The following UBC variants were observed in gnomAD, a reference collection of about 807,000 sequenced individuals.
UBC encodes the protein polyubiquitin-C.
Under a neutral mutation model 34.7 loss-of-function variants are expected in UBC, and 8 were observed. That is an observed-to-expected ratio of 0.23 (90% CI 0.14 to 0.42). The LOEUF is 0.42. Among genes scored for constraint, UBC ranks in the 10% least tolerant of loss-of-function variants. The probability of loss-of-function intolerance (pLI) is 1.00; values close to 1 mark genes in which losing one functional copy is unlikely to be tolerated. For synonymous variants in UBC, 367 were observed against 299.8 expected, an observed-to-expected ratio of 1.22 and a Z score of -2.32; for missense variants, 323 against 750.3, an observed-to-expected ratio of 0.43 and a Z score of 6.65.
Position 124,913,649 on chromosome 12 carries a change from C to T in UBC, c.123G>A (p.Gln41=), listed in dbSNP as rs1953558936. ...QDKEGIPPDQ[Q]RLIFAGKQLE... ...GCTGTTTTCCAGCAAAGATCAGCCT[C>T]TGCTGGTCAGGAGGGATGCCTTCCT... Residue 41 remains glutamine (Q), a synonymous_variant, in exon 2 of 2, where the codon CAG becomes CAA. Transcript: ENST00000339647. 4 of 1,613,742 alleles carry T rather than the reference C, an allele frequency of 2.5e-6. No individual in the cohort carries two copies. The highest frequency in any genetic ancestry group is 2.2e-5 in the South Asian group (2 of 91,032).
intron 1 of UBC, chr12:124,913,981 C>G: frequency 1.4e-6 from 1 of 732,210 alleles, no homozygotes; most frequent in Non-Finnish European, 2.1e-6. Flanking sequence ...GAGAAACTGA[C>G]GCCTCACTTA....
chr12:124,913,722 A>G lies in UBC; in HGVS notation c.50T>C (p.Val17Ala), dbSNP rs1429145940. Residue 17 changes from valine to alanine, a missense_variant, in exon 2 of 2, where the codon GTT (valine) becomes GCT (alanine). By Grantham distance (64) the Val-to-Ala change is moderately conservative. This residue lies in a region of UBC where 202 missense variants were observed against 361.9 expected (regional missense o/e 0.56). Coordinates refer to ENST00000339647, the MANE Select transcript of UBC (RefSeq NM_021009.7). Reference sequence around the variant, plus strand: ...ATTCTCGATGGTGTCACTGGGCTCAACCTCGAGGGTGATGGTCTTACCAGT... The same window carrying G: ...ATTCTCGATGGTGTCACTGGGCTCAGCCTCGAGGGTGATGGTCTTACCAGT... Reference protein sequence around the residue: ...TLTGKTITLEVEPSDTIENVK... With the variant: ...TLTGKTITLEAEPSDTIENVK... The G allele has an allele frequency of 2.5e-6, 4 of 1,613,986 alleles. No homozygotes were observed. Among genetic ancestry groups the G allele is most frequent in the East Asian group, 2.2e-5 (1 of 44,894 alleles).
intron 1 of UBC, 168 bp downstream of exon 1, chr12:124,914,419 A>G (rs1594453942): frequency 6.5e-6 from 1 of 154,664 alleles, no homozygotes; most frequent in African/African-American, 2.4e-5. Context: ...TCCATTCAAG[A>G]CTCGGGAACA....
Position 124,913,104 on chromosome 12 carries a change from A to T in UBC, c.668T>A (p.Leu223His). 6.2e-7 allele frequency: 1 copy of T among 1,608,318 alleles called. No homozygotes were observed. The highest frequency in any genetic ancestry group is 8.5e-7 in the Non-Finnish European group (1 of 1,177,794). ...GATTTGCATCCCACCTCTGAGACGG[A>T]GTACCAGGTGCAAGGTGGACTCTTT... ...IQKESTLHLV[L>H]RLRGGMQIFV... is the part of the protein sequence containing the mutation. Residue 223 changes from leucine (L) to histidine (H), a missense_variant, in exon 2 of 2, where the codon CTC becomes CAC. Coordinates refer to ENST00000339647, the MANE Select transcript of UBC (RefSeq NM_021009.7).
chr12:124,912,983 G>A lies in UBC; in HGVS notation c.789C>T (p.Gly263=), dbSNP rs766665039. The A allele has an allele frequency of 7.4e-6, 12 of 1,611,824 alleles. No individual in the cohort carries two copies. The highest frequency in any genetic ancestry group is 1.7e-5 in the Admixed American group (1 of 59,748). Residue 263 remains glycine (G), a synonymous_variant, in exon 2 of 2, where the codon GGC becomes GGT. Transcript: ENST00000339647. The stretch of plus-strand genomic sequence containing the variant: ...TCAACCTCTGCTGGTCAGGAGGAAT[G>A]CCTTCCTTGTCTTGGATCTTTGCTT... ...NVKAKIQDKE[G]IPPDQQRLIF...
chr12:124,911,673 GA>G lies in UBC; in HGVS notation c.*40del. On this transcript the variant is annotated 3_prime_UTR_variant, in exon 2 of 2. Transcript: ENST00000339647. ...GGGAATGCAACAACTTTATTGAAAGGAAAGTGCAATGAAATTTGTTGAAACC... is the reference window on the plus strand; with the variant it reads ...GGGAATGCAACAACTTTATTGAAAGGAAGTGCAATGAAATTTGTTGAAACC... 6.7e-7 allele frequency: 1 copy of G among 1,489,442 alleles called. No homozygotes were observed. Among genetic ancestry groups the G allele is most frequent in the Non-Finnish European group, 9.2e-7 (1 of 1,082,152 alleles). 92.3% of individuals were successfully genotyped at this position (1,489,442 alleles called of 1,614,324 possible).
At position 124,911,693 on chromosome 12, in the gene UBC, T is replaced by C; in HGVS notation, c.*21A>G. The C allele has an allele frequency of 1.9e-6, 3 of 1,603,864 alleles. No homozygotes were observed. In the East Asian group the frequency reaches 6.7e-5, roughly 36 times the overall value. On this transcript the variant is annotated 3_prime_UTR_variant, in exon 2 of 2. Coordinates refer to ENST00000339647, the MANE Select transcript of UBC (RefSeq NM_021009.7). ...GAAAGGAAAGTGCAATGAAATTTGT[T>C]GAAACCTTAAAAGGGGAAACTTAGA...
intron 1 of UBC, chr12:124,914,020 T>G: frequency 1.7e-5 from 10 of 572,584 alleles, no homozygotes; most frequent in East Asian, 3.4e-5. Context: ...GTCCGGCGCC[T>G]GTCGATTCAG....
Position 124,913,928 on chromosome 12 carries a change from G to C in UBC, c.-3-154C>G, listed in dbSNP as rs976082649. ...AACCCCGAGCGCATAGTTCAAAACC[G>C]GAGCTTCAGCTACTTAAGAAGATAG... On this transcript the variant is annotated intron_variant, in intron 1 of 1. Transcript: ENST00000339647. 4.2e-6 allele frequency: 5 copies of C among 1,204,220 alleles called. No individual in the cohort carries two copies. In the African/African-American group the frequency reaches 6.1e-5, roughly 15 times the overall value. 74.6% of individuals were successfully genotyped at this position (1,204,220 alleles called of 1,614,324 possible). A position where few individuals can be genotyped will look rare whatever the true frequency, so the allele number is the denominator to read the frequency against.
chr12:124,913,233 G>C lies in UBC; in HGVS notation c.539C>G (p.Ala180Gly), dbSNP rs782090374. Residue 180 changes from alanine to glycine, a missense_variant, in exon 2 of 2, where the codon GCA (alanine) becomes GGA (glycine). Ala to Gly is a moderately conservative substitution (Grantham distance 60). Transcript: ENST00000339647. ...EPSDTIENVK[A>G]KIQDKEGIPP... Reference sequence around the variant, plus strand: ...AATGCCTTCCTTATCTTGGATCTTTGCCTTGACATTCTCGATGGTGTCACT... The same window carrying C: ...AATGCCTTCCTTATCTTGGATCTTTCCCTTGACATTCTCGATGGTGTCACT... 2 of 1,611,466 alleles carry C rather than the reference G, an allele frequency of 1.2e-6. No homozygotes were observed. The highest frequency in any genetic ancestry group is 2.2e-5 in the East Asian group (1 of 44,682).
chr12:124,913,250 G>A lies in UBC; in HGVS notation c.522C>T (p.Thr174=), dbSNP rs879995302. The A allele has an allele frequency of 3.7e-6, 6 of 1,606,634 alleles. No individual in the cohort carries two copies. The highest frequency in any genetic ancestry group is 1.7e-5 in the Admixed American group (1 of 59,354). ...TITLEVEPSD[T]IENVKAKIQD... is the part of the protein sequence containing the mutation. Reference sequence around the variant, plus strand: ...GGATCTTTGCCTTGACATTCTCGATGGTGTCACTGGGCTCCACCTCGAGGG... The same window carrying A: ...GGATCTTTGCCTTGACATTCTCGATAGTGTCACTGGGCTCCACCTCGAGGG... The change falls in exon 2 of 2, where the codon ACC becomes ACT. Residue 174 remains threonine (T), a synonymous_variant. Transcript: ENST00000339647.
chr12:124,912,700 G>T lies in UBC; in HGVS notation c.1072C>A (p.Arg358Ser). The T allele has an allele frequency of 2.5e-6, 4 of 1,610,458 alleles. No homozygotes were observed. Among genetic ancestry groups the T allele is most frequent in the Non-Finnish European group, 3.4e-6 (4 of 1,179,170 alleles). ...IFAGKQLEDG[R>S]TLSDYNIQKE... ...TGGATGTTGTAGTCAGACAGGGTAC[G>T]ACCATCTTCCAGCTGTTTTCCGGCA... The change falls in exon 2 of 2, where the codon CGT (arginine) becomes AGT (serine). Residue 358 changes from arginine to serine, a missense_variant. Physicochemically the swap from Arg to Ser is moderately radical, Grantham distance 110 (BLOSUM62 -1). This residue lies in a region of UBC where 66 missense variants were observed against 125.4 expected (regional missense o/e 0.53). Coordinates refer to ENST00000339647, the MANE Select transcript of UBC (RefSeq NM_021009.7).
chr12:124,914,618 A>T lies in UBC; in HGVS notation c.-35T>A, dbSNP rs1311840302. The T allele has an allele frequency of 6.6e-6, 1 of 152,366 alleles. No homozygotes were observed. The highest frequency in any genetic ancestry group is 1.5e-5 in the Non-Finnish European group (1 of 68,190). 9.4% of individuals were successfully genotyped at this position (152,366 alleles called of 1,614,324 possible). A position where few individuals can be genotyped will look rare whatever the true frequency, so the allele number is the denominator to read the frequency against. On this transcript the variant is annotated 5_prime_UTR_variant, in exon 1 of 2. Coordinates refer to ENST00000339647, the MANE Select transcript of UBC (RefSeq NM_021009.7). ...ACGATCACAGCGATCCACAAACAAG[A>T]ACTGCGACCCAAATCCCGGCTGCGA...
chr12:124,913,113 T>G lies in UBC; in HGVS notation c.659A>C (p.His220Pro). 6.2e-7 allele frequency: 1 copy of G among 1,608,096 alleles called. No homozygotes were observed. The highest frequency in any genetic ancestry group is 8.5e-7 in the Non-Finnish European group (1 of 1,177,624). The change falls in exon 2 of 2, where the codon CAC becomes CCC. Residue 220 changes from histidine to proline, a missense_variant. By Grantham distance (77) the His-to-Pro change is moderately conservative. Coordinates refer to ENST00000339647, the MANE Select transcript of UBC (RefSeq NM_021009.7). ...CCCACCTCTGAGACGGAGTACCAGGTGCAAGGTGGACTCTTTCTGGATGTT... is the reference window on the plus strand; with the variant it reads ...CCCACCTCTGAGACGGAGTACCAGGGGCAAGGTGGACTCTTTCTGGATGTT... ...DYNIQKESTL[H>P]LVLRLRGGMQ... is the part of the protein sequence containing the mutation.
chr12:124,913,808 C>T (rs376159401), intron 1 of UBC, 34 bp from the exon 2 acceptor site: 3 of 1,610,530 alleles, frequency 1.9e-6, no homozygotes, highest in Admixed American at 3.4e-5. Flanking sequence ...CAGAATTTAG[C>T]GGACAATTTA....
Position 124,913,789 on chromosome 12 carries a change from A to G in UBC, c.-3-15T>C. The G allele has an allele frequency of 7.4e-6, 12 of 1,613,078 alleles. No individual in the cohort carries two copies. Among genetic ancestry groups the G allele is most frequent in the Non-Finnish European group, 1.0e-5 (12 of 1,179,528 alleles). On this transcript the variant is annotated splice_polypyrimidine_tract_variant and intron_variant, in intron 1 of 1. Coordinates refer to ENST00000339647, the MANE Select transcript of UBC (RefSeq NM_021009.7). Reference sequence around the variant, plus strand: ...ATCTGCATTGTCTAACAAAAAAGCCAAAAACGGCCAGAATTTAGCGGACAA... The same window carrying G: ...ATCTGCATTGTCTAACAAAAAAGCCGAAAACGGCCAGAATTTAGCGGACAA...
At chr12:124,914,361 G>A (rs1555270568) in intron 1 of UBC, 6 of 157,000 alleles carry the variant, frequency 3.8e-5, no homozygotes, top group South Asian at 1.8e-4. Context: ...CGCCCACCAT[G>A]CCCCCCACCT....
rs1481846590 is a variant in UBC at position 124,912,592 on chromosome 12, T to C, written c.1180A>G (p.Thr394Ala). 4 of 1,599,108 alleles carry C rather than the reference T, an allele frequency of 2.5e-6. No individual in the cohort carries two copies. The highest frequency in any genetic ancestry group is 2.6e-6 in the Non-Finnish European group (3 of 1,175,408). Residue 394 changes from threonine to alanine, a missense_variant, in exon 2 of 2, where the codon ACT (threonine) becomes GCT (alanine). By Grantham distance (58) the Thr-to-Ala change is moderately conservative. Around this residue, in one of 5 missense-constraint regions of UBC, gnomAD observed 66 missense variants for 125.4 expected, o/e 0.53. Transcript: ENST00000339647. ...GTGTCACTCGGCTCCACCTCGAGAG[T>C]GATGGTCTTACCAGTCAGGGTCTTC... The part of the protein sequence containing the change: ...FVKTLTGKTI[T>A]LEVEPSDTIE...
rs782161820 is a variant in UBC, at chr12:124,913,223, T to G, written c.549A>C (p.Gln183His). 1 of 1,607,500 alleles carries G rather than the reference T, an allele frequency of 6.2e-7. No individual in the cohort carries two copies. The highest frequency in any genetic ancestry group is 8.5e-7 in the Non-Finnish European group (1 of 1,177,542). Residue 183 changes from glutamine (Q) to histidine (H), a missense_variant, in exon 2 of 2, where the codon CAA becomes CAC. By Grantham distance (24) the Gln-to-His change is conservative. This residue lies in a region of UBC where 202 missense variants were observed against 361.9 expected (regional missense o/e 0.56). Coordinates refer to ENST00000339647, the MANE Select transcript of UBC (RefSeq NM_021009.7). ...GATCAGGAGGAATGCCTTCCTTATC[T>G]TGGATCTTTGCCTTGACATTCTCGA... is the stretch of plus-strand genomic sequence containing the variant. ...DTIENVKAKI[Q>H]DKEGIPPDQQ...
Sources: gnomAD v4.1 joint callset for allele counts on GRCh38, gnomAD v4.1.1 for gene constraint, gnomAD v4.1.1 regional missense constraint, MANE v1.5 for transcripts, NCBI Gene and HGNC (gene_info 2026-07-23, HGNC 2026-07-21) for gene names.